OFD1: variants seen among roughly 807,000 people sequenced by gnomAD.
The protein encoded by OFD1 is centriole and centriolar satellite protein OFD1.
A neutral mutation model predicts 81.4 loss-of-function variants in OFD1; 12 were observed. The ratio of observed to expected loss-of-function variants is 0.15; its 90% CI spans 0.09 to 0.24. The LOEUF is 0.24. OFD1 is among the 10% of genes least tolerant of loss of function. The pLI is 1.00. For missense variants in OFD1, 685 were observed against 733.9 expected, an observed-to-expected ratio of 0.93 and a Z score of 0.77; for synonymous variants, 256 against 263.7, an observed-to-expected ratio of 0.97 and a Z score of 0.28.
chrX:13,770,225 CAT>C (rs2048272612), downstream of OFD1, among the ~76,000 whole-genome samples: 1 of 112,100 alleles, frequency 8.9e-6, no homozygotes, highest in Non-Finnish European at 1.9e-5. Context: ...TCTGGTGACT[CAT>C]GTGACTTAAA....
chrX:13,728,322 C>T, the OFD1 span, among the ~76,000 whole-genome samples: 1 of 111,870 alleles, frequency 8.9e-6, no homozygotes, highest in African/African-American at 3.3e-5. Flanking sequence ...GACCAATATC[C>T]CCGATGAACA....
chrX:13,754,856 A>G (rs917073462), intron 11 of OFD1, among the ~76,000 whole-genome samples: 2 of 113,182 alleles, frequency 1.8e-5, no homozygotes, highest in Non-Finnish European at 3.7e-5. Context: ...AGTAACAGAC[A>G]GATCTTTGTC....
chrX:13,761,618 T>C (rs1367529549), intron 17 of OFD1, among the ~76,000 whole-genome samples: 1 of 112,479 alleles, frequency 8.9e-6, no homozygotes, highest in Non-Finnish European at 1.9e-5. Context: ...TTTTAAAATA[T>C]TTTGGCATTG....
rs371883291 is a variant in OFD1, at chrX:13,742,415, A to G, written c.413-2000A>G. The stretch of plus-strand genomic sequence containing the variant: ...AGATGAGAACAGTAGAAAGTCTGTG[A>G]TCTTGGGTTTCGTGATGAGATGTAA... On this transcript the variant is annotated intron_variant, in intron 5 of 22. Transcript: ENST00000340096. Among the ~76,000 whole-genome samples the G allele has an allele frequency of 5.4e-4, 61 of 112,406 alleles. 2 individuals carry two copies. The East Asian group carries it at 0.015, about 28-fold the overall frequency.
chrX:13,759,994 T>C (rs751135578), intron 15 of OFD1, 121 bp from the exon 16 acceptor site: 1 of 880,618 alleles, frequency 1.1e-6, no homozygotes, highest in East Asian at 3.2e-5. Context: ...CTTCAGAAAC[T>C]GTATAGTGCA....
intron 16 of OFD1, among the ~76,000 whole-genome samples, 175 bp downstream of exon 16, chrX:13,760,895 CA>C (rs2047904152): frequency 8.9e-6 from 1 of 112,319 alleles, no homozygotes; most frequent in African/African-American, 3.2e-5. Flanking sequence ...TGGTTTCCTG[CA>C]TTTTATTATT....
At chrX:13,729,495 G>C in the OFD1 span, among the ~76,000 whole-genome samples, 2 of 112,283 alleles carry the variant, frequency 1.8e-5, no homozygotes, top group Non-Finnish European at 3.8e-5. Context: ...ACAAGAAATG[G>C]GGAAAGGATT....
Position 13,769,073 on chromosome X carries a change from G to A in OFD1, c.3004G>A (p.Gly1002Ser). 1 of 1,192,206 alleles carries A rather than the reference G, an allele frequency of 8.4e-7. No homozygotes were observed. The highest frequency in any genetic ancestry group is 1.1e-6 in the Non-Finnish European group (1 of 877,812). The change falls in exon 23 of 23, where the codon GGC becomes AGC. Residue 1002 changes from glycine to serine, a missense_variant. Transcript: ENST00000340096. ...QSSDKVESLT[G>S]FSHEELDDSW ...TATCTTTCCCTAATTTAGTTTAACA[G>A]GCTTTTCTCATGAAGAACTAGACGA...
chrX:13,720,052 T>C, the OFD1 span: 1 of 760,153 alleles, frequency 1.3e-6, no homozygotes, highest in Non-Finnish European at 1.8e-6. Flanking sequence ...TAATGGGAAG[T>C]GTAGAATTCT....
intron 16 of OFD1, 104 bp downstream of exon 16, chrX:13,760,824 T>A: frequency 9.6e-7 from 1 of 1,041,710 alleles, no homozygotes; most frequent in Non-Finnish European, 1.3e-6. Flanking sequence ...AGTGGCAAGG[T>A]CTAGTGTTTG....
chrX:13,738,728 TATA>T (rs2046972611), intron 3 of OFD1, 115 bp from the exon 4 acceptor site: 1 of 510,953 alleles, frequency 2.0e-6, no homozygotes. Flanking sequence ...TTAGCATAGT[TATA>T]ATCTTATTTA....
downstream of OFD1, chrX:13,773,698 T>C (rs2048346391): frequency 9.0e-6 from 1 of 111,444 alleles, no homozygotes; most frequent in Non-Finnish European, 1.9e-5. Flanking sequence ...CTTTCCTATT[T>C]TCCTCGTATT....
chrX:13,728,253 A>G, the OFD1 span, among the ~76,000 whole-genome samples: 8 of 112,129 alleles, frequency 7.1e-5, no homozygotes, highest in South Asian at 2.9e-3. Context: ...CATTTTATGA[A>G]GCCAACATCA....
chrX:13,752,817 C>G (rs1431016290), intron 10 of OFD1: 2 of 966,818 alleles, frequency 2.1e-6, no homozygotes, highest in Non-Finnish European at 2.7e-6. Context: ...CTTTTGGAAC[C>G]AAAAGGGCAG....
At chrX:13,717,256 G>A in the OFD1 span, among the ~76,000 whole-genome samples, 78 of 110,731 alleles carry the variant, frequency 7.0e-4, no homozygotes, top group East Asian at 0.015. Flanking sequence ...AGGAGTAGTG[G>A]GAGGTGATGC....
chrX:13,728,648 T>C, the OFD1 span, among the ~76,000 whole-genome samples: 1 of 112,319 alleles, frequency 8.9e-6, no homozygotes, highest in East Asian at 2.8e-4. Flanking sequence ...AATATCATAC[T>C]GAATGGGCAA....
At position 13,769,110 on chromosome X, in the gene OFD1, C is replaced by T. The variant is rs749218638; in HGVS notation, c.*2C>T. The T allele has an allele frequency of 7.6e-6, 9 of 1,183,038 alleles. No individual in the cohort carries two copies. Among genetic ancestry groups the T allele is most frequent in the Non-Finnish European group, 9.2e-6 (8 of 870,531 alleles). On this transcript the variant is annotated 3_prime_UTR_variant, in exon 23 of 23. Transcript: ENST00000340096. ...GAAGAACTAGACGACTCTTGGTAAC[C>T]ATGTTTGCTGCCCAGCTTCTAACTT...
chrX:13,742,132 T>C (rs924331785), intron 5 of OFD1, among the ~76,000 whole-genome samples: 2 of 112,188 alleles, frequency 1.8e-5, no homozygotes. Context: ...ATAAGACATA[T>C]ACATCAATGG....
intron 13 of OFD1, 75 bp downstream of exon 13, chrX:13,756,842 T>A: frequency 1.2e-6 from 1 of 801,245 alleles, no homozygotes; most frequent in South Asian, 2.1e-5. Context: ...AACTATGCTT[T>A]GTACTTGTAT....
Sources: allele counts gnomAD v4.1 joint callset (sites outside exome capture counted in the v4.1 genomes callset), GRCh38; gene constraint gnomAD v4.1.1; transcripts MANE v1.5; gene names NCBI Gene and HGNC (gene_info 2026-07-23, HGNC 2026-07-21).